The following CHIC1 variants were observed in gnomAD, a reference collection of about 807,000 sequenced individuals.
CHIC1 encodes cysteine rich hydrophobic domain 1, also known as cysteine-rich hydrophobic domain-containing protein 1.
In CHIC1, 7 loss-of-function variants were observed where a neutral mutation model predicts 18.5. That is an observed-to-expected ratio of 0.38 (90% CI 0.22 to 0.71). The LOEUF is 0.71. Ranked by LOEUF, CHIC1 falls within the 30% of genes least tolerant of loss-of-function variation. The pLI is 0.49. For missense variants in CHIC1, 159 were observed against 176.9 expected (o/e 0.90, Z 0.57); for synonymous variants, 77 against 73.5 (o/e 1.05, Z -0.25).
chrX:73,637,427 G>C (rs1406564992), intron 3 of CHIC1, among the ~76,000 whole-genome samples: 1 of 109,844 alleles, frequency 9.1e-6, no homozygotes, highest in Non-Finnish European at 1.9e-5. Flanking sequence ...AATTTGGGAA[G>C]GTTTTAGCCA....
intron 3 of CHIC1, among the ~76,000 whole-genome samples, chrX:73,613,134 A>G (rs951665478): frequency 3.6e-5 from 4 of 111,828 alleles, no homozygotes; most frequent in Non-Finnish European, 7.5e-5. Context: ...ATGTATGTAT[A>G]GTTTTTGTTT....
chrX:73,658,117 A>T (rs899902379), intron 3 of CHIC1, among the ~76,000 whole-genome samples: 1 of 110,001 alleles, frequency 9.1e-6, no homozygotes, highest in Non-Finnish European at 1.9e-5. Context: ...GGGTATTAGG[A>T]TGATGCTGGC....
At chrX:73,678,016 A>T (rs1363729062) in intron 3 of CHIC1, among the ~76,000 whole-genome samples, 3 of 103,861 alleles carry the variant, frequency 2.9e-5, no homozygotes, top group Admixed American at 1.0e-4. Context: ...TTGTCCTTAC[A>T]TTGATATCCA....
At chrX:73,672,164 ATTG>A (rs1217094032) in intron 3 of CHIC1, among the ~76,000 whole-genome samples, 26 of 111,692 alleles carry the variant, frequency 2.3e-4, no homozygotes, top group Non-Finnish European at 3.8e-4. Flanking sequence ...AATCCAGTCT[ATTG>A]TTGTTGGACA....
At chrX:73,641,995 T>A (rs192191326) in intron 3 of CHIC1, among the ~76,000 whole-genome samples, 2 of 111,863 alleles carry the variant, frequency 1.8e-5, no homozygotes, top group African/African-American at 6.5e-5. Context: ...GCATGTGTCT[T>A]TAGAGCAGCA....
intron 3 of CHIC1, among the ~76,000 whole-genome samples, chrX:73,628,284 C>T (rs949628964): frequency 9.0e-6 from 1 of 111,719 alleles, no homozygotes; most frequent in Non-Finnish European, 1.9e-5. Context: ...CTCCCTTGAC[C>T]GCTCCAGCTG....
chrX:73,589,317 T>C (rs1006392119), intron 3 of CHIC1, among the ~76,000 whole-genome samples: 7 of 111,175 alleles, frequency 6.3e-5, no homozygotes, highest in African/African-American at 2.3e-4. Flanking sequence ...CCATGTCGTA[T>C]GTTTTTTGTT....
At chrX:73,627,486 A>G (rs746818019) in intron 3 of CHIC1, among the ~76,000 whole-genome samples, 1 of 112,613 alleles carries the variant, frequency 8.9e-6, no homozygotes, top group Admixed American at 9.4e-5. Context: ...CTGGTGTTCT[A>G]TGGTATTGTG....
At chrX:73,669,886 C>T (rs752067993) in intron 3 of CHIC1, among the ~76,000 whole-genome samples, 2 of 112,021 alleles carry the variant, frequency 1.8e-5, no homozygotes, top group Non-Finnish European at 3.8e-5. Flanking sequence ...TGGACTCTAC[C>T]CCCTTCCTAG....
intron 1 of CHIC1, 66 bp downstream of exon 1, chrX:73,563,646 T>C: frequency 1.2e-5 from 11 of 882,484 alleles, no homozygotes; most frequent in African/African-American, 2.1e-5. Context: ...TGAGAAGTGA[T>C]CGAGGGGCCT....
intron 1 of CHIC1, among the ~76,000 whole-genome samples, chrX:73,567,790 C>A (rs1363044341): frequency 2.7e-5 from 3 of 109,510 alleles, no homozygotes; most frequent in African/African-American, 1.0e-4. Flanking sequence ...TGTTCCTGTT[C>A]ACAGCATGCT....
intron 2 of CHIC1, among the ~76,000 whole-genome samples, chrX:73,582,843 AATAAGTAACTATAATTCAAGTCT>A (rs1411892401): frequency 9.0e-6 from 1 of 111,133 alleles, no homozygotes; most frequent in African/African-American, 3.3e-5. Flanking sequence ...TTTCATAGCT[AATAAGTAACTATAATTCAAGTCT>A]CTCGATCTGT....
intron 3 of CHIC1, among the ~76,000 whole-genome samples, chrX:73,607,590 C>T (rs2057689023): frequency 9.2e-6 from 1 of 108,788 alleles, no homozygotes; most frequent in Non-Finnish European, 1.9e-5. Flanking sequence ...TAGTTTTTGG[C>T]TTGAAACCCA....
At position 73,675,658 on chromosome X, in the gene CHIC1, A is replaced by G. The variant is rs1251744194; in HGVS notation, c.508-3668A>G. Among the ~76,000 whole-genome samples the G allele has an allele frequency of 5.4e-5, 6 of 111,657 alleles. 1 individual carries two copies. The Admixed American group carries it at 5.7e-4, about 11-fold the overall frequency. On this transcript the variant is annotated intron_variant, in intron 3 of 5. Coordinates refer to ENST00000373502, the MANE Select transcript of CHIC1 (RefSeq NM_001039840.4). ...ATGAAATGGGTTTCCTGAATACAGCACACTGACGAGTCTTGACTCTTTATC... is the reference window on the plus strand; with the variant it reads ...ATGAAATGGGTTTCCTGAATACAGCGCACTGACGAGTCTTGACTCTTTATC...
At chrX:73,592,724 A>G (rs1287736080) in intron 3 of CHIC1, among the ~76,000 whole-genome samples, 2 of 110,163 alleles carry the variant, frequency 1.8e-5, no homozygotes, top group African/African-American at 6.6e-5. Context: ...CATAGGATGA[A>G]TTAAGGAGGA....
chrX:73,678,258 CTTTG>C lies in CHIC1; in HGVS notation c.508-1063_508-1060del, dbSNP rs199512701. ...GTTGATTGTGGAGGCTGTGGTAAGG[CTTTG>C]TTTGGGACAGCAGTGCCAGGTAGAC... is the stretch of plus-strand genomic sequence containing the variant. On this transcript the variant is annotated intron_variant, in intron 3 of 5. Coordinates refer to ENST00000373502, the MANE Select transcript of CHIC1 (RefSeq NM_001039840.4). Among the ~76,000 whole-genome samples the C allele has an allele frequency of 4.8e-3, 541 of 111,726 alleles. 4 individuals carry two copies. Among genetic ancestry groups the C allele is most frequent in the African/African-American group, 0.015 (471 of 30,448 alleles).
intron 1 of CHIC1, among the ~76,000 whole-genome samples, chrX:73,572,414 C>T (rs1684254471): frequency 9.0e-6 from 1 of 110,615 alleles, no homozygotes; most frequent in African/African-American, 3.3e-5. Flanking sequence ...CATAATGCTG[C>T]GATGAGCATA....
intron 3 of CHIC1, among the ~76,000 whole-genome samples, chrX:73,591,911 A>G (rs1237018024): frequency 9.0e-6 from 1 of 111,673 alleles, no homozygotes; most frequent in African/African-American, 3.2e-5. Flanking sequence ...CTGTAGCTTT[A>G]TAGTAAGTCA....
rs756867489 is a variant in CHIC1, at chrX:73,605,225, G to A, written c.507+20653G>A. On this transcript the variant is annotated intron_variant, in intron 3 of 5. Transcript: ENST00000373502. ...ATATTTAGGATGGTTAGCTCTTGTC[G>A]TTGCATTGAACCCTTTACCATTTGT... 8.3e-5 allele frequency among the ~76,000 whole-genome samples: 9 copies of A among 108,294 alleles called. No homozygotes were observed. The East Asian group carries it at 1.4e-3, about 17-fold the overall frequency. The allele number at this position is 108,294 out of a possible 115,157, so 94.0% of individuals were successfully genotyped here.
Sources: allele counts gnomAD v4.1 joint callset (sites outside exome capture counted in the v4.1 genomes callset), GRCh38; gene constraint gnomAD v4.1.1; transcripts MANE v1.5; gene names NCBI Gene and HGNC (gene_info 2026-07-23, HGNC 2026-07-21).